Variants in AKT1 observed in about 807,000 individuals in gnomAD.
AKT1 encodes the protein RAC-alpha serine/threonine-protein kinase.
A neutral mutation model predicts 63.1 loss-of-function variants in AKT1; 21 were observed. That is an observed-to-expected ratio of 0.33 (90% CI 0.24 to 0.48). The LOEUF (loss-of-function observed/expected upper bound fraction) is 0.48. AKT1 is among the 20% of genes least tolerant of loss of function. The pLI is 0.99. For missense variants in AKT1, 382 were observed against 666.0 expected, an observed-to-expected ratio of 0.57 and a Z score of 4.69; for synonymous variants, 257 against 253.1, an observed-to-expected ratio of 1.02 and a Z score of -0.15.
At chr14:104,787,844 G>A (rs1893415515) in intron 3 of AKT1, among the ~76,000 whole-genome samples, 1 of 152,222 alleles carries the variant, frequency 6.6e-6, no homozygotes, top group Non-Finnish European at 1.5e-5. Context: ...TCCAGGGCTG[G>A]GGCCAGCAGT....
intron 3 of AKT1, among the ~76,000 whole-genome samples, chr14:104,789,169 C>T (rs1418603669): frequency 1.1e-4 from 16 of 152,216 alleles, no homozygotes; most frequent in African/African-American, 4.8e-5. Context: ...GGTGCCCCTG[C>T]GGCCGGCACC....
In AKT1 at chr14:104,774,992, G is replaced by A. The variant is rs139453090; in HGVS notation, c.579C>T (p.Ala193=). 3.7e-6 allele frequency: 6 copies of A among 1,612,982 alleles called. No homozygotes were observed. The highest frequency in any genetic ancestry group is 1.3e-5 in the African/African-American group (1 of 74,918). Residue 193 remains alanine, a synonymous_variant, in exon 8 of 15, where the codon GCC becomes GCT. Transcript: ENST00000649815. ...GGACGCGGTTCTCGGTGAGTGTGTG[G>A]GCCACCTCGTCCTGTAAAGCAGGGC... is the stretch of plus-strand genomic sequence containing the variant. ...KEVIVAKDEV[A]HTLTENRVLQ...
At chr14:104,792,005 C>G (rs1406278238) in intron 3 of AKT1, among the ~76,000 whole-genome samples, 1 of 152,182 alleles carries the variant, frequency 6.6e-6, no homozygotes, top group Non-Finnish European at 1.5e-5. Context: ...ATGTCCCCAG[C>G]TCCCATCCCA....
chr14:104,788,877 C>G (rs1306161476), intron 3 of AKT1, among the ~76,000 whole-genome samples: 1 of 152,166 alleles, frequency 6.6e-6, no homozygotes, highest in Non-Finnish European at 1.5e-5. Context: ...CGGGGTAGGG[C>G]ATGGCAAGGA....
At chr14:104,774,371 C>T (rs1403945216) in intron 8 of AKT1, 1 of 301,382 alleles carries the variant, frequency 3.3e-6, no homozygotes, top group African/African-American at 2.1e-5. Context: ...GAGTTGGGAC[C>T]TCAGCAGGGG....
At chr14:104,782,952 T>A (rs1801184246) in intron 3 of AKT1, among the ~76,000 whole-genome samples, 2 of 152,054 alleles carry the variant, frequency 1.3e-5, no homozygotes, top group African/African-American at 4.8e-5. Flanking sequence ...CCAGACAGGA[T>A]GCTGGGTGGG....
In AKT1 at chr14:104,773,930, C is replaced by A; in HGVS notation, c.684G>T (p.Glu228Asp). 1 of 1,612,548 alleles carries A rather than the reference C, an allele frequency of 6.2e-7. No individual in the cohort carries two copies. The highest frequency in any genetic ancestry group is 8.5e-7 in the Non-Finnish European group (1 of 1,179,242). ...CCCCTACCTCGCCCCCGTTGGCGTA[C>A]TCCATGACAAAGCAGAGGCGGTCGT... ...QTHDRLCFVM[E>D]YANGGELFFH... is the part of the protein sequence containing the mutation. Residue 228 changes from glutamate to aspartate, a missense_variant, in exon 9 of 15, where the codon GAG becomes GAT. This residue lies in a region of AKT1 where 226 missense variants were observed against 366.4 expected (regional missense o/e 0.62). Transcript: ENST00000649815.
At chr14:104,773,693 C>T in intron 9 of AKT1, 113 bp from the exon 10 acceptor site, 1 of 1,447,052 alleles carries the variant, frequency 6.9e-7, no homozygotes, top group South Asian at 1.3e-5. Flanking sequence ...AGGGACCAGC[C>T]ACCAGAGGGC....
Position 104,770,012 on chromosome 14 carries a change from C to T in AKT1, c.*329G>A, listed in dbSNP as rs137981458. The T allele has an allele frequency of 4.1e-4, 192 of 463,282 alleles. 2 individuals are homozygous for T. The highest frequency in any genetic ancestry group is 3.0e-3 in the Middle Eastern group (5 of 1,668). 28.7% of individuals were successfully genotyped at this position (463,282 alleles called of 1,614,324 possible). ...AGAGTGAGGGGACACATGGGCAGGA[C>T]CTGCCCGGCCCCCCAATGCCACATT... On this transcript the variant is annotated 3_prime_UTR_variant, in exon 15 of 15. Coordinates refer to ENST00000649815, the MANE Select transcript of AKT1 (RefSeq NM_001382430.1).
At chr14:104,781,281 C>T (rs180774557) in intron 3 of AKT1, among the ~76,000 whole-genome samples, 11 of 152,226 alleles carry the variant, frequency 7.2e-5, no homozygotes, top group Non-Finnish European at 1.5e-4. Flanking sequence ...GGTCCCTGAG[C>T]TCTGGGGCCT....
In AKT1 at chr14:104,772,471, G is replaced by T; in HGVS notation, c.1173-19C>A. The T allele has an allele frequency of 6.2e-7, 1 of 1,613,066 alleles. No homozygotes were observed. The highest frequency in any genetic ancestry group is 1.3e-5 in the African/African-American group (1 of 75,052). On this transcript the variant is annotated intron_variant, in intron 12 of 14. Coordinates refer to ENST00000649815, the MANE Select transcript of AKT1 (RefSeq NM_001382430.1). ...GCCAAGCCTGCAGGCAGGAAACAAG[G>T]CCACAGTGTCGGTACCGCCACCTGC...
chr14:104,786,920 C>A (rs1893360872), intron 3 of AKT1, among the ~76,000 whole-genome samples: 1 of 152,124 alleles, frequency 6.6e-6, no homozygotes, highest in African/African-American at 2.4e-5. Flanking sequence ...TTCTCCAGGC[C>A]CAGGGAGCAG....
intron 12 of AKT1, 84 bp downstream of exon 12, chr14:104,772,794 C>T: frequency 7.0e-7 from 1 of 1,430,046 alleles, no homozygotes; most frequent in Non-Finnish European, 9.4e-7. Context: ...TGGGAGGTGC[C>T]AGGACCGCCT....
chr14:104,780,234 G>C lies in AKT1; in HGVS notation c.47-18C>G, dbSNP rs1448758750. The C allele has an allele frequency of 6.2e-7, 1 of 1,612,284 alleles. No individual in the cohort carries two copies. Among genetic ancestry groups the C allele is most frequent in the Admixed American group, 1.7e-5 (1 of 59,924 alleles). On this transcript the variant is annotated intron_variant, in intron 3 of 14. Coordinates refer to ENST00000649815, the MANE Select transcript of AKT1 (RefSeq NM_001382430.1). The stretch of plus-strand genomic sequence containing the variant: ...GTACTCCCCTACAGACGTGCGGGTG[G>C]TGAGAGCCACGCACACTCTACCCGT...
Position 104,770,316 on chromosome 14 carries a change from T to TCGTCC in AKT1, c.*20_*24dup. On this transcript the variant is annotated 3_prime_UTR_variant, in exon 15 of 15. Coordinates refer to ENST00000649815, the MANE Select transcript of AKT1 (RefSeq NM_001382430.1). ...GCCGCCTCTCCATCCCTCCAAGCTA[T>TCGTCC]CGTCCAGCGCAGTCCACCGCCGCCT... is the stretch of plus-strand genomic sequence containing the variant. 6.3e-7 allele frequency: 1 copy of TCGTCC among 1,599,610 alleles called. No individual in the cohort carries two copies. The highest frequency in any genetic ancestry group is 8.5e-7 in the Non-Finnish European group (1 of 1,175,402).
At chr14:104,774,906 A>G in intron 8 of AKT1, 32 bp downstream of exon 8, 1 of 1,598,400 alleles carries the variant, frequency 6.3e-7, no homozygotes, top group Non-Finnish European at 8.5e-7. Context: ...ACCTGGCCCC[A>G]GCCCTTCAGC....
Position 104,787,997 on chromosome 14 carries a change from C to T in AKT1, c.46+4601G>A, listed in dbSNP as rs375253593. On this transcript the variant is annotated intron_variant, in intron 3 of 14. Transcript: ENST00000649815. ...ATGCCATGACCTCCACCAGCCTGTG[C>T]CTCCTGCCCCTCTCCCGGGTAGGCC... is the stretch of plus-strand genomic sequence containing the variant. Among the ~76,000 whole-genome samples, 571 of 152,328 alleles carry T rather than the reference C, an allele frequency of 3.7e-3. 5 individuals are homozygous for T. The highest frequency in any genetic ancestry group is 0.013 in the African/African-American group (552 of 41,568).
intron 8 of AKT1, 111 bp downstream of exon 8, chr14:104,774,827 G>A (rs1269621360): frequency 1.9e-5 from 23 of 1,209,226 alleles, no homozygotes; most frequent in Non-Finnish European, 2.2e-5. Context: ...CGGAGTCCAC[G>A]GTGTGTAAAG....
rs146916869 is a variant in AKT1, at chr14:104,776,065, C to G, written c.288-266G>C. Reference sequence around the variant, plus strand: ...CTCCAACCCCCAGCAGGACTCCGCCCCCCAGCAGGACTCCGCCCCCCCCAA... The same window carrying G: ...CTCCAACCCCCAGCAGGACTCCGCCGCCCAGCAGGACTCCGCCCCCCCCAA... On this transcript the variant is annotated intron_variant, in intron 5 of 14. Transcript: ENST00000649815. The G allele has an allele frequency of 3.1e-4, 121 of 391,874 alleles. 1 individual carries two copies. Among genetic ancestry groups the G allele is most frequent in the African/African-American group, 2.8e-3 (112 of 39,390 alleles). 24.3% of individuals were successfully genotyped at this position (391,874 alleles called of 1,614,324 possible).
Sources: allele counts gnomAD v4.1 joint callset (sites outside exome capture counted in the v4.1 genomes callset), GRCh38; gene constraint gnomAD v4.1.1; regional missense constraint gnomAD v4.1.1; transcripts MANE v1.5; gene names NCBI Gene and HGNC (gene_info 2026-07-23, HGNC 2026-07-21).